The following STIM1 variants were observed in gnomAD, a reference collection of about 807,000 sequenced individuals.
STIM1 encodes the protein stromal interaction molecule 1.
STIM1 carries 25 observed loss-of-function variants against 74.7 expected under a neutral mutation model. That is an observed-to-expected ratio of 0.33 (90% CI 0.24 to 0.47). The LOEUF (loss-of-function observed/expected upper bound fraction) is 0.47. Among genes scored for constraint, STIM1 ranks in the 20% least tolerant of loss-of-function variants. The pLI, the probability that STIM1 is intolerant of heterozygous loss-of-function variation, is 1.00. For synonymous variants in STIM1, 328 were observed against 348.8 expected, an observed-to-expected ratio of 0.94 and a Z score of 0.66; for missense variants, 728 against 920.8, an observed-to-expected ratio of 0.79 and a Z score of 2.71.
rs563636393 is a variant in STIM1, at chr11:4,036,946, A to G, written c.385+12959A>G. 3.3e-5 allele frequency among the ~76,000 whole-genome samples: 5 copies of G among 152,350 alleles called. No individual in the cohort carries two copies. In the East Asian group the frequency reaches 7.7e-4, roughly 23 times the overall value. Reference sequence around the variant, plus strand: ...TATCATCGGAGTGAACAGGCAACCTACAGAGTGGGAGAAAATCAGGTCATG... The same window carrying G: ...TATCATCGGAGTGAACAGGCAACCTGCAGAGTGGGAGAAAATCAGGTCATG... On this transcript the variant is annotated intron_variant, in intron 3 of 12. Coordinates refer to ENST00000526596, the MANE Select transcript of STIM1 (RefSeq NM_001382567.1).
At chr11:3,900,404 C>T (rs954048357) in intron 1 of STIM1, among the ~76,000 whole-genome samples, 10 of 152,188 alleles carry the variant, frequency 6.6e-5, no homozygotes, top group Non-Finnish European at 7.4e-5. Context: ...GGCAATGCCT[C>T]GCCCTGCTTC....
At chr11:3,897,292 C>CTG (rs1195333483) in intron 1 of STIM1, among the ~76,000 whole-genome samples, 2 of 152,180 alleles carry the variant, frequency 1.3e-5, no homozygotes, top group African/African-American at 4.8e-5. Context: ...CTTTCCTCTG[C>CTG]TGCCTCTTCA....
At chr11:3,893,463 G>C (rs1173906970) in intron 1 of STIM1, among the ~76,000 whole-genome samples, 1 of 152,132 alleles carries the variant, frequency 6.6e-6, no homozygotes, top group Admixed American at 6.5e-5. Flanking sequence ...GCAGTTGATG[G>C]CATCATAGGA....
intron 1 of STIM1, among the ~76,000 whole-genome samples, chr11:3,923,656 T>C (rs1220090681): frequency 6.6e-6 from 1 of 151,970 alleles, no homozygotes; most frequent in East Asian, 1.9e-4. Flanking sequence ...CCATAAGTGT[T>C]ACCTTTCTCA....
intron 1 of STIM1, among the ~76,000 whole-genome samples, chr11:3,886,237 A>G (rs1308059301): frequency 1.3e-5 from 2 of 152,246 alleles, no homozygotes; most frequent in African/African-American, 4.8e-5. Context: ...ATAGAGAAAG[A>G]CGGATAACCT....
At chr11:3,930,260 A>AT (rs2092842462) in intron 1 of STIM1, among the ~76,000 whole-genome samples, 1 of 152,214 alleles carries the variant, frequency 6.6e-6, no homozygotes, top group African/African-American at 2.4e-5. Flanking sequence ...TGAGATAGAT[A>AT]TTCTCATTTT....
At chr11:3,936,992 G>T (rs2092939837) in intron 1 of STIM1, among the ~76,000 whole-genome samples, 1 of 152,022 alleles carries the variant, frequency 6.6e-6, no homozygotes, top group Non-Finnish European at 1.5e-5. Context: ...AATAAGATCA[G>T]ATCTTTTTTC....
intron 2 of STIM1, among the ~76,000 whole-genome samples, chr11:4,000,551 A>C (rs2093705510): frequency 6.6e-6 from 1 of 152,118 alleles, no homozygotes; most frequent in African/African-American, 2.4e-5. Flanking sequence ...AAAACTAACA[A>C]ACAGAAAGGA....
At chr11:3,913,310 C>T (rs1219300346) in intron 1 of STIM1, among the ~76,000 whole-genome samples, 2 of 151,982 alleles carry the variant, frequency 1.3e-5, no homozygotes, top group Admixed American at 6.6e-5. Flanking sequence ...ACCTCAGCCT[C>T]CTGAGTAGCT....
intron 2 of STIM1, among the ~76,000 whole-genome samples, chr11:4,019,839 A>G (rs962405130): frequency 2.6e-5 from 4 of 152,196 alleles, no homozygotes; most frequent in Admixed American, 6.5e-5. Flanking sequence ...AATATACACT[A>G]TATTATTGTT....
intron 1 of STIM1, among the ~76,000 whole-genome samples, chr11:3,934,303 C>T (rs1015870224): frequency 6.6e-6 from 1 of 152,098 alleles, no homozygotes; most frequent in Non-Finnish European, 1.5e-5. Flanking sequence ...AAGGCTGCTA[C>T]ACTCACCCAT....
intron 1 of STIM1, among the ~76,000 whole-genome samples, chr11:3,865,455 G>A (rs1033632078): frequency 2.0e-5 from 3 of 152,172 alleles, no homozygotes; most frequent in Admixed American, 6.5e-5. Flanking sequence ...TATGTTCACC[G>A]AAATTGGTCT....
chr11:3,941,223 A>G (rs1376924091), intron 1 of STIM1, among the ~76,000 whole-genome samples: 3 of 152,222 alleles, frequency 2.0e-5, no homozygotes, highest in Non-Finnish European at 2.9e-5. Flanking sequence ...CAGAACAAAA[A>G]TGGTCCACTG....
chr11:3,947,479 A>G (rs958779973), intron 1 of STIM1: 6 of 152,128 alleles, frequency 3.9e-5, no homozygotes, highest in African/African-American at 1.4e-4. Flanking sequence ...TCTGGCTCTG[A>G]TGTTGAATAT....
At chr11:3,906,412 G>A (rs1286450098) in intron 1 of STIM1, among the ~76,000 whole-genome samples, 1 of 152,188 alleles carries the variant, frequency 6.6e-6, no homozygotes, top group Non-Finnish European at 1.5e-5. Flanking sequence ...GCTAGCATAT[G>A]CCCTGACTGA....
intron 1 of STIM1, among the ~76,000 whole-genome samples, chr11:3,884,736 T>C (rs1359863040): frequency 1.3e-4 from 19 of 151,346 alleles, no homozygotes; most frequent in South Asian, 4.2e-4. Context: ...GAGCTGAGAT[T>C]GCGCCACTGC....
intron 2 of STIM1, among the ~76,000 whole-genome samples, chr11:4,015,910 T>C (rs149202692): frequency 1.7e-4 from 26 of 152,310 alleles, no homozygotes; most frequent in Non-Finnish European, 3.4e-4. Context: ...TTTAAGCTCT[T>C]CTCTACACTG....
chr11:4,014,284 T>A (rs1032002731), intron 2 of STIM1, among the ~76,000 whole-genome samples: 4 of 152,232 alleles, frequency 2.6e-5, no homozygotes, highest in African/African-American at 4.8e-5. Context: ...AACATCTTTA[T>A]TTCTGCCTTC....
intron 1 of STIM1, among the ~76,000 whole-genome samples, chr11:3,882,586 G>A (rs192261844): frequency 8.5e-5 from 13 of 152,050 alleles, no homozygotes; most frequent in Admixed American, 3.9e-4. Flanking sequence ...TATGTACCCC[G>A]GAACTTAAAA....
Sources: allele counts gnomAD v4.1 joint callset (sites outside exome capture counted in the v4.1 genomes callset), GRCh38; gene constraint gnomAD v4.1.1; transcripts MANE v1.5; gene names NCBI Gene and HGNC (gene_info 2026-07-23, HGNC 2026-07-21).